The following MEIS1 variants were observed in gnomAD, a reference collection of about 807,000 sequenced individuals.
The protein encoded by MEIS1 is homeobox protein Meis1.
Under a neutral mutation model 50.8 loss-of-function variants are expected in MEIS1, and 5 were observed. The ratio of observed to expected loss-of-function variants is 0.10; its 90% CI spans 0.05 to 0.21. MEIS1 has a LOEUF of 0.21. Among genes scored for constraint, MEIS1 ranks in the 10% least tolerant of loss-of-function variants. MEIS1 has a pLI of 1.00. For synonymous variants in MEIS1, 176 were observed against 179.3 expected (o/e 0.98, Z 0.15); for missense variants, 318 against 517.3 (o/e 0.61, Z 3.74).
chr2:66,443,869 CCCTCT>C (rs907939516), intron 6 of MEIS1: 14 of 152,464 alleles, frequency 9.2e-5, no homozygotes, highest in African/African-American at 2.9e-4. Flanking sequence ...GCTTGCTGCA[CCCTCT>C]CCTCTCCTGT....
At chr2:66,476,655 G>A (rs963554447) in intron 7 of MEIS1, among the ~76,000 whole-genome samples, 4 of 152,156 alleles carry the variant, frequency 2.6e-5, no homozygotes, top group Admixed American at 6.5e-5. Context: ...GCCTGGCATC[G>A]GATGGGCCTC....
In MEIS1 at chr2:66,567,668, T is replaced by G. The variant is rs946785842; in HGVS notation, c.1024+157T>G. Reference sequence around the variant, plus strand: ...CAGTTTCGTTTCATAACAACACTAATCAATTTAACATCATTATAAAACGTT... The same window carrying G: ...CAGTTTCGTTTCATAACAACACTAAGCAATTTAACATCATTATAAAACGTT... On this transcript the variant is annotated intron_variant, in intron 10 of 12. Transcript: ENST00000272369. 1.4e-5 allele frequency: 10 copies of G among 721,616 alleles called. No individual in the cohort carries two copies. The East Asian group carries it at 2.4e-4, about 17-fold the overall frequency. The allele number at this position is 721,616 out of a possible 1,614,324, so 44.7% of individuals were successfully genotyped here. A position where few individuals can be genotyped will look rare whatever the true frequency, so the allele number is the denominator to read the frequency against.
intron 7 of MEIS1, among the ~76,000 whole-genome samples, chr2:66,480,878 C>A (rs553628378): frequency 6.6e-6 from 1 of 152,070 alleles, no homozygotes; most frequent in Non-Finnish European, 1.5e-5. Context: ...TTTGCAATGA[C>A]AGATGCCATT....
intron 1 of MEIS1, among the ~76,000 whole-genome samples, 182 bp downstream of exon 1, chr2:66,436,050 G>A (rs568627242): frequency 3.9e-5 from 6 of 151,940 alleles, no homozygotes; most frequent in Non-Finnish European, 8.8e-5. Context: ...GTTACTTGGA[G>A]TTGTTAATTA....
chr2:66,513,810 T>C (rs536766111), intron 8 of MEIS1, among the ~76,000 whole-genome samples: 1 of 152,290 alleles, frequency 6.6e-6, no homozygotes, highest in South Asian at 2.1e-4. Context: ...ACCTGTTGCA[T>C]GTGTGTAGAT....
chr2:66,481,595 G>T (rs1673016883), intron 7 of MEIS1, among the ~76,000 whole-genome samples: 1 of 152,180 alleles, frequency 6.6e-6, no homozygotes, highest in Non-Finnish European at 1.5e-5. Flanking sequence ...CTGTTGGCTT[G>T]ATTTTTCAAT....
At chr2:66,501,713 G>A (rs1332442762) in intron 7 of MEIS1, among the ~76,000 whole-genome samples, 1 of 151,404 alleles carries the variant, frequency 6.6e-6, no homozygotes, top group South Asian at 2.1e-4. Context: ...TGTGTCCATG[G>A]TACTTTACTT....
chr2:66,453,807 CAA>C (rs2103719113), intron 6 of MEIS1, among the ~76,000 whole-genome samples: 1 of 152,042 alleles, frequency 6.6e-6, no homozygotes, highest in East Asian at 1.9e-4. Flanking sequence ...TAGAACAAAA[CAA>C]GACTATATCT....
chr2:66,493,010 G>A (rs1307239700), intron 7 of MEIS1, among the ~76,000 whole-genome samples: 2 of 152,116 alleles, frequency 1.3e-5, no homozygotes, highest in Non-Finnish European at 2.9e-5. Context: ...CCCCACTCAG[G>A]TGGCCTTTAA....
At chr2:66,481,679 AT>A (rs1673019075) in intron 7 of MEIS1, among the ~76,000 whole-genome samples, 1 of 151,900 alleles carries the variant, frequency 6.6e-6, no homozygotes, top group Non-Finnish European at 1.5e-5. Context: ...ATTTATTTTC[AT>A]GTGCAGTTGG....
intron 8 of MEIS1, among the ~76,000 whole-genome samples, chr2:66,520,806 G>A (rs1016724433): frequency 6.6e-6 from 1 of 152,190 alleles, no homozygotes. Flanking sequence ...GAAATTTAGA[G>A]AAGTTAATGA....
chr2:66,445,813 C>T (rs1321375774), intron 6 of MEIS1, among the ~76,000 whole-genome samples: 2 of 152,168 alleles, frequency 1.3e-5, no homozygotes, highest in Admixed American at 6.5e-5. Flanking sequence ...CTTTTCCTTT[C>T]CTTTCCTTTT....
At chr2:66,517,400 G>T (rs1204367807) in intron 8 of MEIS1, among the ~76,000 whole-genome samples, 4 of 151,994 alleles carry the variant, frequency 2.6e-5, no homozygotes, top group African/African-American at 9.7e-5. Flanking sequence ...AAACTAGTAT[G>T]AAGGTGCGAG....
chr2:66,496,746 C>T (rs527630918), intron 7 of MEIS1, among the ~76,000 whole-genome samples: 2 of 152,278 alleles, frequency 1.3e-5, no homozygotes, highest in East Asian at 1.9e-4. Context: ...AGTTCCAACC[C>T]TTACATGAGG....
At chr2:66,561,369 T>A (rs1486944099) in intron 9 of MEIS1, among the ~76,000 whole-genome samples, 1 of 152,178 alleles carries the variant, frequency 6.6e-6, no homozygotes, top group Non-Finnish European at 1.5e-5. Context: ...ACAACTACCT[T>A]CCAATGATAA....
At chr2:66,462,540 T>A (rs1207379041) in intron 6 of MEIS1, among the ~76,000 whole-genome samples, 2 of 152,220 alleles carry the variant, frequency 1.3e-5, no homozygotes, top group Non-Finnish European at 2.9e-5. Flanking sequence ...GTGCCTGGCA[T>A]TGTCTGTCCC....
chr2:66,571,030 C>T, intron 12 of MEIS1: 1 of 534,580 alleles, frequency 1.9e-6, no homozygotes, highest in Non-Finnish European at 3.2e-6. Flanking sequence ...GACCTGATAA[C>T]AGTGACAATG....
chr2:66,507,903 C>CA (rs1322043938), intron 7 of MEIS1, among the ~76,000 whole-genome samples: 6 of 152,230 alleles, frequency 3.9e-5, no homozygotes, highest in Non-Finnish European at 8.8e-5. Flanking sequence ...TGCCACAGGT[C>CA]ACCTGCCTTG....
Position 66,440,623 on chromosome 2 carries a change from AC to A in MEIS1, c.432+15del. 1 of 1,598,480 alleles carries A rather than the reference AC, an allele frequency of 6.3e-7. No homozygotes were observed. The highest frequency in any genetic ancestry group is 1.1e-5 in the South Asian group (1 of 88,664). ...GAACTGGATAACTTGGTAAGAGCGG[AC>A]CCCTATTTCCCTCCCCCGCCCCCGA... On this transcript the variant is annotated intron_variant, in intron 4 of 12. Coordinates refer to ENST00000272369, the MANE Select transcript of MEIS1 (RefSeq NM_002398.3).
Sources: allele counts gnomAD v4.1 joint callset (sites outside exome capture counted in the v4.1 genomes callset), GRCh38; gene constraint gnomAD v4.1.1; transcripts MANE v1.5; gene names NCBI Gene and HGNC (gene_info 2026-07-23, HGNC 2026-07-21).